Variants in NDUFAF6 observed in about 807,000 individuals in gnomAD.
NDUFAF6 encodes the protein NADH:ubiquinone oxidoreductase complex assembly factor 6.
Under a neutral mutation model 40.8 loss-of-function variants are expected in NDUFAF6, and 45 were observed. The observed-to-expected ratio is 1.10, with a 90% CI of 0.87 to 1.42. The LOEUF (loss-of-function observed/expected upper bound fraction) is 1.42. NDUFAF6 is among the 40% of genes most tolerant of loss of function. NDUFAF6 has a pLI of 0.00. For synonymous variants in NDUFAF6, 185 were observed against 155.9 expected, an observed-to-expected ratio of 1.19 and a Z score of -1.39; for missense variants, 435 against 418.5, an observed-to-expected ratio of 1.04 and a Z score of -0.34.
At chr8:95,116,083 A>G (rs976110123) in intron 5 of NDUFAF6, among the ~76,000 whole-genome samples, 1 of 152,092 alleles carries the variant, frequency 6.6e-6, no homozygotes, top group African/African-American at 2.4e-5. Flanking sequence ...GGTTGCAGTG[A>G]GCCAAGATCG....
intron 3 of NDUFAF6, among the ~76,000 whole-genome samples, chr8:95,038,951 C>T (rs188121432): frequency 6.7e-6 from 1 of 150,176 alleles, no homozygotes; most frequent in African/African-American, 2.4e-5. Context: ...TTACAGGTGT[C>T]AGCTACCGCA....
intron 1 of NDUFAF6, among the ~76,000 whole-genome samples, chr8:94,962,169 G>T (rs1823631733): frequency 6.6e-6 from 1 of 152,176 alleles, no homozygotes; most frequent in Admixed American, 6.5e-5. Context: ...ACTTCTTCCT[G>T]CCCAGAACAG....
At chr8:94,955,284 T>G (rs918860359), upstream of NDUFAF6, among the ~76,000 whole-genome samples, 1 of 152,116 alleles carries the variant, frequency 6.6e-6, no homozygotes, top group African/African-American at 2.4e-5. Flanking sequence ...AGTTGTGGAG[T>G]CTGCCAAATC....
chr8:94,931,096 A>G (rs536563409), intron 1 of NDUFAF6, among the ~76,000 whole-genome samples: 1 of 152,380 alleles, frequency 6.6e-6, no homozygotes, highest in South Asian at 2.1e-4. Flanking sequence ...TTGCAAATAT[A>G]TATTTTAATT....
intron 2 of NDUFAF6, among the ~76,000 whole-genome samples, chr8:94,993,131 C>T (rs1206420656): frequency 6.6e-6 from 1 of 152,154 alleles, no homozygotes; most frequent in Non-Finnish European, 1.5e-5. Context: ...AGATGGCCAT[C>T]CTCTCCTTTG....
intron 8 of NDUFAF6, chr8:95,055,456 TAAAA>T (rs1395704078): frequency 6.6e-6 from 1 of 152,148 alleles, no homozygotes; most frequent in South Asian, 2.1e-4. Flanking sequence ...TTTGAATCAT[TAAAA>T]AAAGTATAAA....
At chr8:95,101,123 T>G (rs1809634269) in intron 1 of NDUFAF6, 1 of 152,234 alleles carries the variant, frequency 6.6e-6, no homozygotes, top group African/African-American at 2.4e-5. Flanking sequence ...TACATTGTGT[T>G]CTTAACAGGG....
rs994510482 is a variant in NDUFAF6, at chr8:95,058,550, G to T, written c.*613G>T. On this transcript the variant is annotated 3_prime_UTR_variant, in exon 9 of 9. Coordinates refer to ENST00000396124, the MANE Select transcript of NDUFAF6 (RefSeq NM_152416.4). Reference sequence around the variant, plus strand: ...AGAGCAGAGCCTTAATTTGACTTTAGCTCTGGCTGGTCTGGAAGCTTTTAC... The same window carrying T: ...AGAGCAGAGCCTTAATTTGACTTTATCTCTGGCTGGTCTGGAAGCTTTTAC... The T allele has an allele frequency of 1.6e-6, 2 of 1,219,058 alleles. No individual in the cohort carries two copies. The highest frequency in any genetic ancestry group is 4.3e-5 in the South Asian group (1 of 23,356). The allele number at this position is 1,219,058 out of a possible 1,614,324, so 75.5% of individuals were successfully genotyped here.
chr8:95,019,696 C>G (rs1462319709), intron 2 of NDUFAF6, among the ~76,000 whole-genome samples: 3 of 152,202 alleles, frequency 2.0e-5, no homozygotes, highest in Admixed American at 1.3e-4. Flanking sequence ...TTTGCCTCTT[C>G]TTGTTTCTGA....
At position 94,948,059 on chromosome 8, in the gene NDUFAF6, T is replaced by C. The variant is rs903831118; in HGVS notation, c.-799+2440T>C. Among the ~76,000 whole-genome samples the C allele has an allele frequency of 2.8e-4, 43 of 152,306 alleles. 1 individual carries two copies. Among genetic ancestry groups the C allele is most frequent in the African/African-American group, 9.6e-4 (40 of 41,552 alleles). On this transcript the variant is annotated intron_variant, in intron 2 of 14. Coordinates refer to the NDUFAF6 transcript ENST00000396113. ...CCCCTTTTCCCAAAACTATTGTGCA[T>C]TGAGAAAAGGCTTTTTTAGCAATAG...
At chr8:95,079,088 CAGT>C (rs1808734697), downstream of NDUFAF6, among the ~76,000 whole-genome samples, 4 of 152,062 alleles carry the variant, frequency 2.6e-5, no homozygotes, top group African/African-American at 9.7e-5. Context: ...AATTCTGTCT[CAGT>C]CTCCCGAGCA....
chr8:95,081,664 G>T (rs1343078762), intron 2 of NDUFAF6, among the ~76,000 whole-genome samples: 1 of 152,198 alleles, frequency 6.6e-6, no homozygotes, highest in Non-Finnish European at 1.5e-5. Flanking sequence ...AGAGAGAAAT[G>T]AAAATACTAC....
intron 2 of NDUFAF6, among the ~76,000 whole-genome samples, chr8:95,094,812 T>A (rs961877894): frequency 2.0e-5 from 3 of 150,246 alleles, no homozygotes; most frequent in Non-Finnish European, 4.4e-5. Context: ...GAGTGCAGTG[T>A]CATGATCACA....
chr8:95,046,644 G>A (rs573000114), intron 5 of NDUFAF6, among the ~76,000 whole-genome samples: 1 of 152,334 alleles, frequency 6.6e-6, no homozygotes, highest in African/African-American at 2.4e-5. Flanking sequence ...TAGAATGTTT[G>A]TTAAGCATAT....
At chr8:95,084,378 AT>A (rs956472121) in intron 2 of NDUFAF6, among the ~76,000 whole-genome samples, 1 of 152,170 alleles carries the variant, frequency 6.6e-6, no homozygotes, top group Non-Finnish European at 1.5e-5. Context: ...AAAATAAATA[AT>A]TTTTTAATAC....
intron 1 of NDUFAF6, among the ~76,000 whole-genome samples, chr8:94,909,788 G>A (rs1048731607): frequency 5.4e-5 from 8 of 147,014 alleles, no homozygotes; most frequent in Admixed American, 6.8e-5. Context: ...TTATATATGT[G>A]TATATATATA....
rs535111670 is a variant in NDUFAF6, at chr8:94,982,602, C to T, written c.-84+1629C>T. On this transcript the variant is annotated intron_variant, in intron 2 of 9. Coordinates refer to the NDUFAF6 transcript ENST00000396111. The stretch of plus-strand genomic sequence containing the variant: ...CTCCTATTTCTGATTCCAGGTTTAC[C>T]AAGCTGTCCTCTGATCTGTGGTTTA... Among the ~76,000 whole-genome samples the T allele has an allele frequency of 2.0e-5, 3 of 152,344 alleles. No homozygotes were observed. The South Asian group carries it at 6.2e-4, about 32-fold the overall frequency.
At chr8:94,936,724 C>A (rs919337209) in intron 1 of NDUFAF6, among the ~76,000 whole-genome samples, 1 of 152,042 alleles carries the variant, frequency 6.6e-6, no homozygotes, top group African/African-American at 2.4e-5. Context: ...TGCCAGTGGC[C>A]ATCAGAAGAA....
chr8:95,048,645 A>G (rs1051775679), intron 7 of NDUFAF6, 87 bp downstream of exon 7: 6 of 943,264 alleles, frequency 6.4e-6, no homozygotes, highest in Non-Finnish European at 1.0e-5. Flanking sequence ...GATATTCCCA[A>G]CTTGGCAGTC....
Sources: allele counts gnomAD v4.1 joint callset (sites outside exome capture counted in the v4.1 genomes callset), GRCh38; gene constraint gnomAD v4.1.1; transcripts MANE v1.5; gene names NCBI Gene and HGNC (gene_info 2026-07-23, HGNC 2026-07-21).